Variants in NOX3 observed in about 807,000 individuals in gnomAD.
NOX3 encodes NADPH oxidase catalytic subunit-like 3.
Under a neutral mutation model 76.7 loss-of-function variants are expected in NOX3, and 74 were observed. The observed-to-expected ratio is 0.96, with a 90% CI of 0.80 to 1.17. NOX3 has a LOEUF of 1.17. Among genes scored for constraint, NOX3 ranks in the 50% most tolerant of loss-of-function variants. The probability of loss-of-function intolerance (pLI) is 0.00; values close to 1 mark genes in which losing one functional copy is unlikely to be tolerated. For missense variants in NOX3, 695 were observed against 703.3 expected, an observed-to-expected ratio of 0.99 and a Z score of 0.13; for synonymous variants, 263 against 261.1, an observed-to-expected ratio of 1.01 and a Z score of -0.07.
chr6:155,413,411 G>C (rs1245694256), intron 10 of NOX3, among the ~76,000 whole-genome samples: 1 of 151,974 alleles, frequency 6.6e-6, no homozygotes, highest in African/African-American at 2.4e-5. Flanking sequence ...TTCCCTCCGA[G>C]AGACAGGAAA....
chr6:155,445,376 A>G (rs1010373069), intron 4 of NOX3, among the ~76,000 whole-genome samples: 5 of 152,170 alleles, frequency 3.3e-5, no homozygotes, highest in Non-Finnish European at 5.9e-5. Flanking sequence ...TGAGGTGTGG[A>G]AGAAGATGTG....
intron 5 of NOX3, among the ~76,000 whole-genome samples, chr6:155,440,699 C>CAAAAAAAAAAAAAA (rs1776973805): frequency 6.7e-6 from 1 of 149,474 alleles, no homozygotes. Flanking sequence ...AAAAAAAAAC[C>CAAAAAAAAAAAAAA]AAAGTGATTA....
Position 155,443,283 on chromosome 6 carries a change from G to A in NOX3, c.476C>T (p.Thr159Ile), listed in dbSNP as rs757187647. 1 of 1,613,600 alleles carries A rather than the reference G, an allele frequency of 6.2e-7. No homozygotes were observed. Among genetic ancestry groups the A allele is most frequent in the African/African-American group, 1.3e-5 (1 of 74,910 alleles). Residue 159 changes from threonine to isoleucine, a missense_variant, in exon 5 of 14, where the codon ACC becomes ATC. By Grantham distance (89) the Thr-to-Ile change is moderately conservative. Transcript: ENST00000159060. ...CATGCAGGAACTCACTGTGGGGAAG[G>A]TCCGGACAGGGTTGAGGTAGCTCTC... is the stretch of plus-strand genomic sequence containing the variant. ...PNESYLNPVR[T>I]FPTNTTTELL...
chr6:155,422,706 C>T lies in NOX3; in HGVS notation c.1296G>A (p.Leu432=), dbSNP rs1229194970. The change falls in exon 10 of 14, where the codon CTG becomes CTA. Residue 432 remains leucine (L), a synonymous_variant. Transcript: ENST00000159060. ...WYKCSEAQTP[L]KLSKVYFYWI... ...GATTTTTCCGTACCTTGCTCAGCTT[C>T]AGTGGGGTCTGTGCCTCACTGCATT... The T allele has an allele frequency of 2.2e-5, 35 of 1,613,946 alleles. No individual in the cohort carries two copies. Among genetic ancestry groups the T allele is most frequent in the Non-Finnish European group, 3.0e-5 (35 of 1,179,958 alleles).
Position 155,440,035 on chromosome 6 carries a change from G to A in NOX3, c.589C>T (p.Gln197Ter). 1.9e-6 allele frequency: 3 copies of A among 1,613,994 alleles called. No homozygotes were observed. The highest frequency in any genetic ancestry group is 2.5e-6 in the Non-Finnish European group (3 of 1,179,960). ...IMTSSTEFIRQASYELFWYTH... is the reference protein window; with the variant it reads ...IMTSSTEFIR Reference sequence around the variant, plus strand: ...TACCAGAACAACTCATAGGAGGCCTGTCTGATGAACTCAGTTGACGAGGTC... The same window carrying A: ...TACCAGAACAACTCATAGGAGGCCTATCTGATGAACTCAGTTGACGAGGTC... Residue 197 changes from glutamine to a stop codon, truncating the protein, a stop_gained, in exon 6 of 14, where the codon CAG becomes TAG. Transcript: ENST00000159060. LOFTEE classifies it high-confidence loss of function.
chr6:155,430,808 C>T (rs778825155), intron 8 of NOX3, 35 bp downstream of exon 8: 2 of 1,457,644 alleles, frequency 1.4e-6, no homozygotes, highest in South Asian at 2.4e-5. Flanking sequence ...CATCTACACT[C>T]AGGCTTTTAT....
At chr6:155,433,012 G>T (rs554443097) in intron 7 of NOX3, among the ~76,000 whole-genome samples, 2 of 152,156 alleles carry the variant, frequency 1.3e-5, no homozygotes, top group Non-Finnish European at 2.9e-5. Context: ...AGAGATACTG[G>T]CAAAGACACT....
At chr6:155,427,690 A>T (rs1424266983) in intron 9 of NOX3, among the ~76,000 whole-genome samples, 1 of 152,164 alleles carries the variant, frequency 6.6e-6, no homozygotes, top group Non-Finnish European at 1.5e-5. Flanking sequence ...TTCAAATATG[A>T]AATTCTTCCA....
At chr6:155,414,531 A>G (rs1776598165) in intron 10 of NOX3, among the ~76,000 whole-genome samples, 1 of 152,122 alleles carries the variant, frequency 6.6e-6, no homozygotes, top group Non-Finnish European at 1.5e-5. Flanking sequence ...AGTCATTCTC[A>G]GTAAAATAAC....
rs753927282 is a variant in NOX3 at position 155,439,945 on chromosome 6, T to C, written c.668+11A>G. 5.0e-6 allele frequency: 8 copies of C among 1,610,088 alleles called. No individual in the cohort carries two copies. The Admixed American group carries it at 1.0e-4, about 20-fold the overall frequency. ...ATAAAATCCTTGCAGAGGAGCGCAG[T>C]ATGGACTTACCCCGTCCCATGGATG... On this transcript the variant is annotated intron_variant, in intron 6 of 13. Coordinates refer to ENST00000159060, the MANE Select transcript of NOX3 (RefSeq NM_015718.3).
At chr6:155,419,602 C>T (rs976742066) in intron 10 of NOX3, among the ~76,000 whole-genome samples, 1 of 152,022 alleles carries the variant, frequency 6.6e-6, no homozygotes, top group African/African-American at 2.4e-5. Context: ...GAAAACATTG[C>T]TTTTATATTT....
chr6:155,443,338 C>G lies in NOX3; in HGVS notation c.421G>C (p.Ala141Pro). The change falls in exon 5 of 14, where the codon GCA (alanine) becomes CCA (proline). Residue 141 changes from alanine to proline, a missense_variant. Physicochemically the swap from Ala to Pro is conservative, Grantham distance 27. Transcript: ENST00000159060. The stretch of plus-strand genomic sequence containing the variant: ...GGGGTGTTGCCCAGCTTGGAAAGTG[C>G]GGCCAGAAGTCCCTGGGCCTCCTCG... ...QSEEAQGLLA[A>P]LSKLGNTPNE... 1 of 1,614,046 alleles carries G rather than the reference C, an allele frequency of 6.2e-7. No homozygotes were observed. Among genetic ancestry groups the G allele is most frequent in the Non-Finnish European group, 8.5e-7 (1 of 1,179,970 alleles).
At chr6:155,403,041 C>T (rs778493941) in intron 12 of NOX3, among the ~76,000 whole-genome samples, 19 of 152,094 alleles carry the variant, frequency 1.2e-4, no homozygotes, top group Non-Finnish European at 2.6e-4. Context: ...ATAACCATCC[C>T]GAGGAAAATT....
intron 6 of NOX3, among the ~76,000 whole-genome samples, chr6:155,439,655 C>CAGGT (rs1562469586): frequency 6.6e-6 from 1 of 152,122 alleles, no homozygotes; most frequent in African/African-American, 2.4e-5. Flanking sequence ...GATGGCAGAA[C>CAGGT]AGGTACTGAA....
intron 10 of NOX3, among the ~76,000 whole-genome samples, chr6:155,419,157 C>T (rs1303583300): frequency 6.6e-6 from 1 of 152,186 alleles, no homozygotes; most frequent in Non-Finnish European, 1.5e-5. Context: ...GTAGCCCTGA[C>T]AAATATTAGT....
chr6:155,442,002 C>A (rs183996623), intron 5 of NOX3, among the ~76,000 whole-genome samples: 1 of 152,186 alleles, frequency 6.6e-6, no homozygotes, highest in Non-Finnish European at 1.5e-5. Context: ...CGGTGGCTCA[C>A]GCCTGTAATC....
At chr6:155,451,333 T>A (rs1777137340) in intron 4 of NOX3, among the ~76,000 whole-genome samples, 1 of 152,136 alleles carries the variant, frequency 6.6e-6, no homozygotes, top group Non-Finnish European at 1.5e-5. Context: ...ACTTCTCAGA[T>A]ATCACACTAC....
chr6:155,399,816 T>A (rs1392979408), intron 12 of NOX3, among the ~76,000 whole-genome samples: 2 of 152,088 alleles, frequency 1.3e-5, no homozygotes, highest in African/African-American at 4.8e-5. Flanking sequence ...CTATAAAATT[T>A]AATTACCCAC....
chr6:155,403,953 A>T (rs187551591), intron 12 of NOX3, among the ~76,000 whole-genome samples: 55 of 152,224 alleles, frequency 3.6e-4, no homozygotes, highest in Admixed American at 2.4e-3. Context: ...AAACAAACAA[A>T]CACCATATGA....
Sources: allele counts gnomAD v4.1 joint callset (sites outside exome capture counted in the v4.1 genomes callset), GRCh38; gene constraint gnomAD v4.1.1; transcripts MANE v1.5; gene names NCBI Gene and HGNC (gene_info 2026-07-23, HGNC 2026-07-21).